Variants in NAALADL2 observed in about 807,000 individuals in gnomAD.
NAALADL2 encodes inactive N-acetylated-alpha-linked acidic dipeptidase-like protein 2.
Under a neutral mutation model 87.2 loss-of-function variants are expected in NAALADL2, and 76 were observed. The ratio of observed to expected loss-of-function variants is 0.87; its 90% CI spans 0.72 to 1.05. The LOEUF (loss-of-function observed/expected upper bound fraction) is 1.05, where lower values mean the gene tolerates loss of function less well. Ranked by LOEUF, NAALADL2 falls within the 50% of genes least tolerant of loss-of-function variation. NAALADL2 has a pLI of 0.00. For synonymous variants in NAALADL2, 354 were observed against 331.0 expected (o/e 1.07, Z -0.75); for missense variants, 1,089 against 945.8 (o/e 1.15, Z -1.99).
chr3:175,011,290 GA>G (rs1749782631), intron 1 of NAALADL2, among the ~76,000 whole-genome samples: 1 of 146,810 alleles, frequency 6.8e-6, no homozygotes, highest in Non-Finnish European at 1.5e-5. Context: ...CAGAGAGAGA[GA>G]GAGAGAGAGA....
chr3:175,716,753 G>A (rs1285017973), intron 11 of NAALADL2, among the ~76,000 whole-genome samples: 1 of 152,072 alleles, frequency 6.6e-6, no homozygotes. Flanking sequence ...TAAGAGCAAA[G>A]TTATATGATC....
intron 2 of NAALADL2, among the ~76,000 whole-genome samples, chr3:174,635,435 TTTAAAA>T (rs1371447317): frequency 2.0e-5 from 3 of 152,184 alleles, no homozygotes; most frequent in African/African-American, 7.2e-5. Flanking sequence ...AATAGTGTTA[TTTAAAA>T]TTAAAATTTA....
At chr3:175,561,251 C>T (rs1317973350) in intron 9 of NAALADL2, among the ~76,000 whole-genome samples, 2 of 152,190 alleles carry the variant, frequency 1.3e-5, no homozygotes, top group South Asian at 2.1e-4. Flanking sequence ...CTATGCACAT[C>T]CTTCCCTATA....
At chr3:175,219,756 G>C (rs978510052) in intron 2 of NAALADL2, among the ~76,000 whole-genome samples, 6 of 151,796 alleles carry the variant, frequency 4.0e-5, no homozygotes, top group East Asian at 3.9e-4. Flanking sequence ...CAAATCTGGG[G>C]AACAATTGAC....
chr3:175,547,466 C>G (rs1339672560), intron 9 of NAALADL2, among the ~76,000 whole-genome samples: 1 of 152,070 alleles, frequency 6.6e-6, no homozygotes, highest in Non-Finnish European at 1.5e-5. Context: ...TAGAAGACAA[C>G]CTAGGCAATA....
At chr3:175,585,357 A>G (rs9847768) in intron 10 of NAALADL2, among the ~76,000 whole-genome samples, 3,206 of 152,034 alleles carry the variant, frequency 0.021, 113 homozygotes, top group African/African-American at 0.071. Context: ...TTTCTAAAAC[A>G]CCTTTTATCT....
At chr3:175,185,879 A>C (rs1386326577) in intron 2 of NAALADL2, among the ~76,000 whole-genome samples, 1 of 151,610 alleles carries the variant, frequency 6.6e-6, no homozygotes, top group East Asian at 1.9e-4. Flanking sequence ...TCTTATCTCT[A>C]TTTTACTTTC....
intron 5 of NAALADL2, among the ~76,000 whole-genome samples, chr3:175,338,487 T>C (rs1286025401): frequency 6.6e-6 from 1 of 150,820 alleles, no homozygotes; most frequent in Non-Finnish European, 1.5e-5. Context: ...TCCCCGTCCC[T>C]GTGAGGAAAT....
At chr3:175,149,878 A>C (rs1731287961) in intron 2 of NAALADL2, among the ~76,000 whole-genome samples, 1 of 152,162 alleles carries the variant, frequency 6.6e-6, no homozygotes, top group South Asian at 2.1e-4. Context: ...GTATTCAGAC[A>C]AAGACTCTTG....
At chr3:175,170,468 T>A (rs1029251201) in intron 2 of NAALADL2, among the ~76,000 whole-genome samples, 5 of 146,732 alleles carry the variant, frequency 3.4e-5, no homozygotes, top group Admixed American at 6.9e-5. Context: ...ATAATATATA[T>A]AAATATAATA....
upstream of NAALADL2, among the ~76,000 whole-genome samples, chr3:174,854,499 A>C (rs1725628584): frequency 6.6e-6 from 1 of 152,166 alleles, no homozygotes; most frequent in East Asian, 1.9e-4. Flanking sequence ...GTTAACAGTA[A>C]TTTATTGTAC....
Position 175,608,588 on chromosome 3 carries a change from C to T in NAALADL2, c.1801-18703C>T, listed in dbSNP as rs115328080. On this transcript the variant is annotated intron_variant, in intron 10 of 13. Coordinates refer to ENST00000454872, the MANE Select transcript of NAALADL2 (RefSeq NM_207015.3). ...GCTTCCACAGACTTTGGCATACATC[C>T]TGAATGCAAAATGAGACAATCCTTT... 6.0e-3 allele frequency among the ~76,000 whole-genome samples: 918 copies of T among 152,048 alleles called. 6 individuals carry two copies. The highest frequency in any genetic ancestry group is 0.021 in the African/African-American group (861 of 41,500).
chr3:175,272,886 T>C (rs1753053482), intron 4 of NAALADL2, among the ~76,000 whole-genome samples: 1 of 151,930 alleles, frequency 6.6e-6, no homozygotes, highest in South Asian at 2.1e-4. Context: ...GAAGGGAAAA[T>C]CAAAGATTAA....
chr3:175,307,325 A>G (rs1215079017), intron 4 of NAALADL2, among the ~76,000 whole-genome samples: 1 of 152,148 alleles, frequency 6.6e-6, no homozygotes, highest in Non-Finnish European at 1.5e-5. Flanking sequence ...AATTAGAAAA[A>G]TAAATTATAG....
chr3:174,487,021 G>A (rs371954907), intron 1 of NAALADL2, among the ~76,000 whole-genome samples: 1 of 152,012 alleles, frequency 6.6e-6, no homozygotes, highest in African/African-American at 2.4e-5. Flanking sequence ...TTTTAAACAG[G>A]TGCTAGGGAA....
chr3:175,011,284 G>C (rs1477431209), intron 1 of NAALADL2, among the ~76,000 whole-genome samples: 13 of 111,330 alleles, frequency 1.2e-4, no homozygotes, highest in African/African-American at 2.2e-4. Context: ...GAGAGACAGA[G>C]AGAGAGAGAG....
intron 1 of NAALADL2, among the ~76,000 whole-genome samples, chr3:174,549,001 C>T (rs1711757324): frequency 1.3e-5 from 2 of 152,100 alleles, no homozygotes; most frequent in African/African-American, 4.8e-5. Flanking sequence ...GCACCATGCC[C>T]GGCTAATTTG....
chr3:174,610,102 G>C (rs1448127200), intron 2 of NAALADL2, among the ~76,000 whole-genome samples: 2 of 151,176 alleles, frequency 1.3e-5, no homozygotes, highest in Non-Finnish European at 3.0e-5. Flanking sequence ...GGGAAAACTG[G>C]CTAGCCATAT....
rs181455672 is a variant in NAALADL2 at position 174,922,508 on chromosome 3, C to A, written c.43+63058C>A. Among the ~76,000 whole-genome samples the A allele has an allele frequency of 5.2e-3, 786 of 152,196 alleles. 13 individuals carry two copies. Among genetic ancestry groups the A allele is most frequent in the Non-Finnish European group, 3.9e-3 (266 of 68,002 alleles). On this transcript the variant is annotated intron_variant, in intron 1 of 13. Transcript: ENST00000454872. The stretch of plus-strand genomic sequence containing the variant: ...AATTAACTGTAGGACAGCACTATTA[C>A]CTAAACCACAGCTCTAATTTGAATT...
Sources: gnomAD v4.1 joint callset for allele counts (sites outside exome capture counted in the v4.1 genomes callset) on GRCh38, gnomAD v4.1.1 for gene constraint, MANE v1.5 for transcripts, NCBI Gene and HGNC (gene_info 2026-07-23, HGNC 2026-07-21) for gene names.